Variants in SEMA5A observed in about 807,000 individuals in gnomAD.
SEMA5A encodes semaphorin 5A.
Under a neutral mutation model 135.5 loss-of-function variants are expected in SEMA5A, and 55 were observed. That is an observed-to-expected ratio of 0.41 (90% CI 0.33 to 0.51). The LOEUF (loss-of-function observed/expected upper bound fraction) is 0.51, where lower values mean the gene tolerates loss of function less well. Among genes scored for constraint, SEMA5A ranks in the 20% least tolerant of loss-of-function variants. SEMA5A has a pLI of 0.37. For missense variants in SEMA5A, 1,290 were observed against 1,419.9 expected (o/e 0.91, Z 1.47); for synonymous variants, 580 against 546.5 (o/e 1.06, Z -0.85).
intron 6 of SEMA5A, among the ~76,000 whole-genome samples, chr5:9,232,629 T>C (rs745553647): frequency 9.9e-5 from 15 of 152,236 alleles, no homozygotes; most frequent in Non-Finnish European, 1.9e-4. Flanking sequence ...TTACGTGCTA[T>C]GTAATGTACA....
intron 1 of SEMA5A, among the ~76,000 whole-genome samples, chr5:9,445,329 C>T (rs990459416): frequency 1.3e-5 from 2 of 151,338 alleles, no homozygotes; most frequent in East Asian, 3.9e-4. Flanking sequence ...TTACCAAGAA[C>T]ATTTAATAAA....
At position 9,417,356 on chromosome 5, in the gene SEMA5A, G is replaced by A. The variant is rs189789972; in HGVS notation, c.-78+20400C>T. 7.9e-5 allele frequency among the ~76,000 whole-genome samples: 12 copies of A among 152,308 alleles called. No individual in the cohort carries two copies. In the East Asian group the frequency reaches 2.1e-3, roughly 27 times the overall value. ...GAATATAGTTACCATATTTACGTGT[G>A]CACATTATCCACTTTACTAACTTTT... On this transcript the variant is annotated intron_variant, in intron 2 of 22. Transcript: ENST00000382496.
chr5:9,481,406 A>G (rs182133217), intron 1 of SEMA5A, among the ~76,000 whole-genome samples: 22 of 152,272 alleles, frequency 1.4e-4, no homozygotes, highest in African/African-American at 4.6e-4. Flanking sequence ...AGGTGTCCCT[A>G]TCACTCTCTT....
Position 9,054,131 on chromosome 5 carries a change from C to T in SEMA5A, c.2645G>A (p.Gly882Glu), listed in dbSNP as rs1370429062. 4 of 1,613,662 alleles carry T rather than the reference C, an allele frequency of 2.5e-6. No homozygotes were observed. Among genetic ancestry groups the T allele is most frequent in the South Asian group, 2.2e-5 (2 of 91,016 alleles). Reference sequence around the variant, plus strand: ...GCAGAGTGCCTCTTCTGTGTGCAGCCCCAGGCAGATGTCCCCTCCATAGGC... The same window carrying T: ...GCAGAGTGCCTCTTCTGTGTGCAGCTCCAGGCAGATGTCCCCTCCATAGGC... The part of the protein sequence containing the change: ...APAYGGDICL[G>E]LHTEEALCNT... The change falls in exon 19 of 23, where the codon GGG becomes GAG. Residue 882 changes from glycine (G) to glutamate (E), a missense_variant. By Grantham distance (98) the Gly-to-Glu change is moderately conservative. This residue lies in a region of SEMA5A where 1,029 missense variants were observed against 1,086.6 expected (regional missense o/e 0.95). Transcript: ENST00000382496.
At chr5:9,442,967 C>CAGG (rs1758293948) in intron 1 of SEMA5A, among the ~76,000 whole-genome samples, 1 of 152,190 alleles carries the variant, frequency 6.6e-6, no homozygotes, top group Non-Finnish European at 1.5e-5. Flanking sequence ...TGCCTTCATC[C>CAGG]AATGCCAACT....
intron 5 of SEMA5A, among the ~76,000 whole-genome samples, chr5:9,303,147 C>T (rs1199180595): frequency 3.3e-5 from 5 of 149,334 alleles, no homozygotes; most frequent in African/African-American, 1.2e-4. Flanking sequence ...GACAGAGTCT[C>T]GCTCTGTTGC....
intron 1 of SEMA5A, among the ~76,000 whole-genome samples, chr5:9,544,485 C>T (rs373021499): frequency 6.0e-4 from 91 of 152,266 alleles, no homozygotes; most frequent in African/African-American, 2.1e-3. Context: ...GCTGACAGCT[C>T]TCTATAGCCA....
intron 16 of SEMA5A, among the ~76,000 whole-genome samples, chr5:9,096,380 T>C (rs1739313317): frequency 6.6e-6 from 1 of 152,234 alleles, no homozygotes; most frequent in Non-Finnish European, 1.5e-5. Flanking sequence ...ACCACTGTTT[T>C]ATTTTCTCTC....
At chr5:9,312,335 A>C (rs1401287919) in intron 5 of SEMA5A, among the ~76,000 whole-genome samples, 1 of 144,020 alleles carries the variant, frequency 6.9e-6, no homozygotes, top group African/African-American at 2.6e-5. Flanking sequence ...TTCAGCATGC[A>C]GTGAGTTGCA....
At chr5:9,330,206 T>C (rs1457940197) in intron 4 of SEMA5A, among the ~76,000 whole-genome samples, 2 of 151,714 alleles carry the variant, frequency 1.3e-5, no homozygotes, top group African/African-American at 2.4e-5. Flanking sequence ...CTGGCTAACA[T>C]GGTGAAACCC....
intron 1 of SEMA5A, among the ~76,000 whole-genome samples, chr5:9,540,644 T>G (rs1738032737): frequency 1.3e-5 from 2 of 152,106 alleles, no homozygotes; most frequent in Non-Finnish European, 2.9e-5. Context: ...ACAACAAACC[T>G]AAATCTCAGT....
chr5:9,219,896 A>G (rs1275872463), intron 8 of SEMA5A, among the ~76,000 whole-genome samples: 1 of 152,220 alleles, frequency 6.6e-6, no homozygotes, highest in Admixed American at 6.5e-5. Flanking sequence ...TCTGTGGACT[A>G]AGTCGGAGCT....
At chr5:9,183,354 G>T (rs958756661) in intron 11 of SEMA5A, among the ~76,000 whole-genome samples, 11 of 152,166 alleles carry the variant, frequency 7.2e-5, no homozygotes, top group African/African-American at 2.7e-4. Flanking sequence ...TTCATGGAGA[G>T]TTCATCCTCC....
intron 1 of SEMA5A, among the ~76,000 whole-genome samples, chr5:9,514,463 C>T (rs717736): frequency 6.6e-6 from 1 of 152,124 alleles, no homozygotes; most frequent in Non-Finnish European, 1.5e-5. Context: ...TTCAGTATAC[C>T]TGAGGGATTG....
At chr5:9,133,993 A>T (rs1322888727) in intron 13 of SEMA5A, among the ~76,000 whole-genome samples, 1 of 151,964 alleles carries the variant, frequency 6.6e-6, no homozygotes, top group Non-Finnish European at 1.5e-5. Context: ...ACAAGATCTG[A>T]TGGTTTAAAA....
intron 1 of SEMA5A, among the ~76,000 whole-genome samples, chr5:9,463,117 A>G (rs1452367421): frequency 6.6e-6 from 1 of 152,156 alleles, no homozygotes; most frequent in African/African-American, 2.4e-5. Context: ...CTGATAAAAG[A>G]CTCATCTTGT....
At chr5:9,536,065 G>T (rs191313880) in intron 1 of SEMA5A, among the ~76,000 whole-genome samples, 52 of 152,252 alleles carry the variant, frequency 3.4e-4, no homozygotes, top group African/African-American at 1.2e-3. Flanking sequence ...ACAGCAAAGT[G>T]GCCAGATGCT....
rs1383296919 is a variant in SEMA5A at position 9,190,210 on chromosome 5, TAA to T, written c.1273+55_1273+56del. 2.6e-6 allele frequency: 4 copies of T among 1,556,040 alleles called. No homozygotes were observed. In the African/African-American group the frequency reaches 5.5e-5, roughly 21 times the overall value. On this transcript the variant is annotated intron_variant, in intron 11 of 22. Coordinates refer to ENST00000382496, the MANE Select transcript of SEMA5A (RefSeq NM_003966.3). Reference sequence around the variant, plus strand: ...AAATTGAATGTTTAGAATCTAAATCTAAAACACAAAATCAGAAGATGGTAGAA... The same window carrying T: ...AAATTGAATGTTTAGAATCTAAATCTAACACAAAATCAGAAGATGGTAGAA...
chr5:9,114,592 A>C (rs189948981), intron 15 of SEMA5A, among the ~76,000 whole-genome samples: 3 of 152,334 alleles, frequency 2.0e-5, no homozygotes, highest in Non-Finnish European at 2.9e-5. Flanking sequence ...TACCTTTGTT[A>C]ATATGAAAGG....
Sources: gnomAD v4.1 joint callset for allele counts (sites outside exome capture counted in the v4.1 genomes callset) on GRCh38, gnomAD v4.1.1 for gene constraint, gnomAD v4.1.1 regional missense constraint, MANE v1.5 for transcripts, NCBI Gene and HGNC (gene_info 2026-07-23, HGNC 2026-07-21) for gene names.